Variants in CNTN5 observed in about 807,000 individuals in gnomAD.
The protein encoded by CNTN5 is contactin 5.
Under a neutral mutation model 129.1 loss-of-function variants are expected in CNTN5, and 77 were observed. The observed-to-expected ratio is 0.60, with a 90% CI of 0.50 to 0.72. The LOEUF is 0.72. Ranked by LOEUF, CNTN5 falls within the 30% of genes least tolerant of loss-of-function variation. The pLI is 0.00. For synonymous variants in CNTN5, 509 were observed against 465.6 expected (o/e 1.09, Z -1.20); for missense variants, 1,478 against 1,328.8 (o/e 1.11, Z -1.75).
At chr11:100,020,434 A>G (rs1941075459) in intron 9 of CNTN5, among the ~76,000 whole-genome samples, 1 of 152,012 alleles carries the variant, frequency 6.6e-6, no homozygotes, top group African/African-American at 2.4e-5. Context: ...AATAACAGTT[A>G]ACTGTAGATG....
chr11:99,417,208 C>T (rs1313060577), intron 2 of CNTN5, among the ~76,000 whole-genome samples: 1 of 152,052 alleles, frequency 6.6e-6, no homozygotes, highest in Non-Finnish European at 1.5e-5. Flanking sequence ...TATTATTTTT[C>T]AATAAGTTAT....
At chr11:99,563,217 C>A (rs766973385) in intron 3 of CNTN5, among the ~76,000 whole-genome samples, 1 of 152,168 alleles carries the variant, frequency 6.6e-6, no homozygotes, top group Non-Finnish European at 1.5e-5. Flanking sequence ...AAACTCTTTT[C>A]TTTTAATGAT....
At chr11:99,683,222 C>T (rs1009003544) in intron 3 of CNTN5, among the ~76,000 whole-genome samples, 37 of 151,732 alleles carry the variant, frequency 2.4e-4, no homozygotes, top group African/African-American at 7.2e-4. Flanking sequence ...CTCCCTTCAC[C>T]GCAGCTCATA....
intron 15 of CNTN5, among the ~76,000 whole-genome samples, chr11:100,204,503 T>C (rs537405142): frequency 1.3e-5 from 2 of 149,770 alleles, no homozygotes; most frequent in African/African-American, 4.9e-5. Context: ...AGAGACAGGC[T>C]CTCACTCTGT....
chr11:99,343,159 G>A (rs1866600068), intron 2 of CNTN5, among the ~76,000 whole-genome samples: 1 of 152,112 alleles, frequency 6.6e-6, no homozygotes, highest in South Asian at 2.1e-4. Context: ...AAAGAGAGGA[G>A]GGATGACGAA....
At chr11:100,138,588 C>T (rs1946598724) in intron 13 of CNTN5, among the ~76,000 whole-genome samples, 1 of 152,026 alleles carries the variant, frequency 6.6e-6, no homozygotes, top group Admixed American at 6.6e-5. Flanking sequence ...AAACAGATTA[C>T]TATGGCTGAT....
chr11:100,095,638 T>C (rs1310123068), intron 13 of CNTN5, among the ~76,000 whole-genome samples: 3 of 152,130 alleles, frequency 2.0e-5, no homozygotes, highest in Non-Finnish European at 2.9e-5. Context: ...AGATGTTGTT[T>C]GAAATAAAGT....
chr11:99,918,137 C>T (rs1949842273), intron 7 of CNTN5, among the ~76,000 whole-genome samples: 1 of 152,144 alleles, frequency 6.6e-6, no homozygotes, highest in Non-Finnish European at 1.5e-5. Flanking sequence ...TTTCATTCTA[C>T]TCCACCTCCT....
chr11:100,345,588 A>AG (rs972275639), intron 23 of CNTN5, among the ~76,000 whole-genome samples: 10 of 151,690 alleles, frequency 6.6e-5, no homozygotes, highest in African/African-American at 1.9e-4. Context: ...AAAAAAAAAA[A>AG]AGAGGTTTCC....
intron 2 of CNTN5, among the ~76,000 whole-genome samples, chr11:99,332,977 C>T (rs76615691): frequency 0.08 from 12,100 of 151,974 alleles, 586 homozygotes; most frequent in Middle Eastern, 0.12. Context: ...TTTCATGCAT[C>T]GTAATTTAGA....
intron 1 of CNTN5, among the ~76,000 whole-genome samples, chr11:99,147,398 A>T (rs1212988726): frequency 1.3e-5 from 2 of 152,190 alleles, no homozygotes; most frequent in Non-Finnish European, 2.9e-5. Flanking sequence ...AGAGAAAAGA[A>T]AGATTTCAGA....
At chr11:99,062,032 T>G (rs1454735999) in intron 1 of CNTN5, among the ~76,000 whole-genome samples, 1 of 151,828 alleles carries the variant, frequency 6.6e-6, no homozygotes, top group Non-Finnish European at 1.5e-5. Context: ...AATTGCAGAT[T>G]CAATAATTAA....
At chr11:100,265,392 G>T (rs1950282136) in intron 17 of CNTN5, among the ~76,000 whole-genome samples, 1 of 152,080 alleles carries the variant, frequency 6.6e-6, no homozygotes, top group African/African-American at 2.4e-5. Flanking sequence ...TTAGTACCAT[G>T]CTCATTCTCA....
chr11:99,403,763 T>C (rs1941941119), intron 2 of CNTN5, among the ~76,000 whole-genome samples: 1 of 152,200 alleles, frequency 6.6e-6, no homozygotes, highest in South Asian at 2.1e-4. Flanking sequence ...AGACTTGTTT[T>C]GTGACTTAAC....
intron 1 of CNTN5, among the ~76,000 whole-genome samples, chr11:99,022,852 A>G (rs756130374): frequency 1.3e-5 from 2 of 152,192 alleles, no homozygotes; most frequent in African/African-American, 2.4e-5. Context: ...GAATTGGTGT[A>G]TCCTTTAAAT....
At chr11:99,561,849 G>A (rs1381277822) in intron 3 of CNTN5, among the ~76,000 whole-genome samples, 5 of 152,046 alleles carry the variant, frequency 3.3e-5, no homozygotes, top group Admixed American at 2.0e-4. Context: ...AAGAGAAAAA[G>A]AGCATTACAT....
intron 3 of CNTN5, among the ~76,000 whole-genome samples, chr11:99,755,099 T>C (rs550208473): frequency 2.8e-4 from 43 of 152,298 alleles, no homozygotes; most frequent in African/African-American, 1.0e-3. Flanking sequence ...CAATGAAAAA[T>C]ACTCCATTAT....
At chr11:99,748,166 A>G (rs771887004) in intron 3 of CNTN5, among the ~76,000 whole-genome samples, 7 of 152,076 alleles carry the variant, frequency 4.6e-5, no homozygotes, top group South Asian at 2.1e-4. Flanking sequence ...ATATTGCCCT[A>G]TGCTTCTCTT....
intron 17 of CNTN5, among the ~76,000 whole-genome samples, chr11:100,256,495 A>G (rs1265948840): frequency 1.3e-5 from 2 of 152,152 alleles, no homozygotes; most frequent in Non-Finnish European, 1.5e-5. Flanking sequence ...TAAAAAGAAA[A>G]TCTATTCAGC....
Sources: allele counts gnomAD v4.1 joint callset (sites outside exome capture counted in the v4.1 genomes callset), GRCh38; gene constraint gnomAD v4.1.1; transcripts MANE v1.5; gene names NCBI Gene and HGNC (gene_info 2026-07-23, HGNC 2026-07-21).